The following P4HA2 variants were observed in gnomAD, a reference collection of about 807,000 sequenced individuals.
P4HA2 encodes prolyl 4-hydroxylase subunit alpha 2, also known as prolyl 4-hydroxylase subunit alpha-2.
A neutral mutation model predicts 76.9 loss-of-function variants in P4HA2; 46 were observed. That is an observed-to-expected ratio of 0.60 (90% CI 0.47 to 0.76). The LOEUF (loss-of-function observed/expected upper bound fraction) is 0.76. Ranked by LOEUF, P4HA2 falls within the 30% of genes least tolerant of loss-of-function variation. The pLI is 0.00. For synonymous variants in P4HA2, 243 were observed against 254.0 expected (o/e 0.96, Z 0.41); for missense variants, 583 against 669.4 (o/e 0.87, Z 1.42).
intron 10 of P4HA2, among the ~76,000 whole-genome samples, chr5:132,199,159 C>T (rs1751133908): frequency 6.6e-6 from 1 of 152,178 alleles, no homozygotes; most frequent in African/African-American, 2.4e-5. Flanking sequence ...TGTGGTTTCC[C>T]AAACAAAACA....
intron 14 of P4HA2, among the ~76,000 whole-genome samples, chr5:132,193,855 C>A (rs991895591): frequency 1.1e-4 from 17 of 152,248 alleles, no homozygotes; most frequent in African/African-American, 3.9e-4. Flanking sequence ...CTACTGAAGT[C>A]ACAGAGCTTT....
rs767145049 is a variant in P4HA2 at position 132,193,023 on chromosome 5, G to C, written c.1589C>G (p.Thr530Arg). The change falls in exon 15 of 15, where the codon ACA becomes AGA. Residue 530 changes from threonine to arginine, a missense_variant. Physicochemically the swap from Thr to Arg is moderately conservative, Grantham distance 71. Coordinates refer to ENST00000360568, the MANE Select transcript of P4HA2 (RefSeq NM_001017974.2). Reference sequence around the variant, plus strand: ...CAGAAAAGGATGTCAGTCAACTTCTGTTGATCCACAAGGTCTCAAGAACTC... The same window carrying C: ...CAGAAAAGGATGTCAGTCAACTTCTCTTGATCCACAAGGTCTCAAGAACTC... ...GQEFLRPCGS[T>R]EVD 1.9e-6 allele frequency: 3 copies of C among 1,609,982 alleles called. No homozygotes were observed. Among genetic ancestry groups the C allele is most frequent in the East Asian group, 4.5e-5 (2 of 44,858 alleles).
intron 1 of P4HA2, among the ~76,000 whole-genome samples, chr5:132,219,565 C>G (rs772690492): frequency 1.3e-5 from 2 of 152,178 alleles, no homozygotes. Flanking sequence ...CTCAGCCATG[C>G]AGCCTAGACT....
chr5:132,190,720 T>C lies in P4HA2; in HGVS notation c.*2290A>G, dbSNP rs970995222. Among the ~76,000 whole-genome samples, 1 of 152,004 alleles carries C rather than the reference T, an allele frequency of 6.6e-6. No homozygotes were observed. Among genetic ancestry groups the C allele is most frequent in the African/African-American group, 2.4e-5 (1 of 41,376 alleles). On this transcript the variant is annotated 3_prime_UTR_variant, in exon 15 of 15. Coordinates refer to ENST00000360568, the MANE Select transcript of P4HA2 (RefSeq NM_001017974.2). Reference sequence around the variant, plus strand: ...AATCAAAAAGAAAAAGCTTGATAGATTTGACATAAAAATTAAAAGCTCCTG... The same window carrying C: ...AATCAAAAAGAAAAAGCTTGATAGACTTGACATAAAAATTAAAAGCTCCTG...
chr5:132,208,662 T>TGCAGACAG (rs1752593890), intron 7 of P4HA2, among the ~76,000 whole-genome samples: 1 of 151,724 alleles, frequency 6.6e-6, no homozygotes, highest in Admixed American at 6.6e-5. Flanking sequence ...GTAGAAGCCA[T>TGCAGACAG]GCAGACAGGG....
chr5:132,218,861 G>A (rs187596480), intron 1 of P4HA2, among the ~76,000 whole-genome samples: 5 of 152,302 alleles, frequency 3.3e-5, no homozygotes, highest in African/African-American at 7.2e-5. Flanking sequence ...GGGAAGTCAC[G>A]TGCCCTGCGG....
At chr5:132,203,011 G>A (rs1751728015) in intron 10 of P4HA2, 1 of 152,200 alleles carries the variant, frequency 6.6e-6, no homozygotes, top group Non-Finnish European at 1.5e-5. Flanking sequence ...AACATTCCCA[G>A]GCACTGATGA....
intron 1 of P4HA2, among the ~76,000 whole-genome samples, chr5:132,219,786 G>A (rs972627806): frequency 7.2e-5 from 11 of 151,902 alleles, no homozygotes; most frequent in East Asian, 3.9e-4. Flanking sequence ...TTTTTTGCCC[G>A]CCATACTTGA....
intron 2 of P4HA2, 78 bp downstream of exon 2, chr5:132,218,467 G>T: frequency 1.0e-6 from 1 of 1,001,508 alleles, no homozygotes; most frequent in South Asian, 1.4e-5. Context: ...CACTCTAAAT[G>T]AGAACAGGCT....
In P4HA2 at chr5:132,217,494, C is replaced by G; in HGVS notation, c.180-146G>C. The G allele has an allele frequency of 8.4e-6, 6 of 718,144 alleles. No individual in the cohort carries two copies. In the South Asian group the frequency reaches 1.1e-4, roughly 13 times the overall value. The allele number at this position is 718,144 out of a possible 1,614,324, so 44.5% of individuals were successfully genotyped here. ...ATGAAAAATGAATACAGTAACTCCC[C>G]ACAGATACTTCTAGCCCCTTAATCT... On this transcript the variant is annotated intron_variant, in intron 3 of 14. Transcript: ENST00000360568.
chr5:132,206,477 C>T (rs1752230775), intron 8 of P4HA2, among the ~76,000 whole-genome samples: 1 of 152,156 alleles, frequency 6.6e-6, no homozygotes, highest in Non-Finnish European at 1.5e-5. Context: ...GAGTGTCGGG[C>T]CTCCTGGTCA....
intron 1 of P4HA2, among the ~76,000 whole-genome samples, chr5:132,218,869 C>T (rs928587095): frequency 2.9e-4 from 44 of 152,168 alleles, no homozygotes; most frequent in African/African-American, 9.2e-4. Flanking sequence ...ACGTGCCCTG[C>T]GGAGAGAGCC....
At position 132,209,770 on chromosome 5, in the gene P4HA2, CA is replaced by C. The variant is rs10656798; in HGVS notation, c.710-440del. 5.3e-3 allele frequency among the ~76,000 whole-genome samples: 502 copies of C among 95,058 alleles called. 2 individuals are homozygous for C. Among genetic ancestry groups the C allele is most frequent in the South Asian group, 0.012 (27 of 2,312 alleles). 62.4% of individuals were successfully genotyped at this position (95,058 alleles called of 152,430 possible). On this transcript the variant is annotated intron_variant, in intron 6 of 14. Coordinates refer to ENST00000360568, the MANE Select transcript of P4HA2 (RefSeq NM_001017974.2). Reference sequence around the variant, plus strand: ...AGGCTGGATGAGTGAGACTCTGTCTCAAAAAAAAAAAAAAAAAAAGGTAGAT... The same window carrying C: ...AGGCTGGATGAGTGAGACTCTGTCTCAAAAAAAAAAAAAAAAAAGGTAGAT...
intron 4 of P4HA2, among the ~76,000 whole-genome samples, chr5:132,216,149 T>G (rs1210222889): frequency 9.4e-6 from 1 of 106,824 alleles, no homozygotes; most frequent in African/African-American, 3.8e-5. Context: ...GGTGACAGAG[T>G]GAGACTCAGT....
chr5:132,196,593 G>A (rs1332939592), intron 12 of P4HA2, among the ~76,000 whole-genome samples: 1 of 152,218 alleles, frequency 6.6e-6, no homozygotes, highest in African/African-American at 2.4e-5. Context: ...GGGCATGGTG[G>A]CTCACGCCTG....
intron 10 of P4HA2, among the ~76,000 whole-genome samples, 190 bp from the exon 11 acceptor site, chr5:132,199,122 T>C (rs1357445793): frequency 6.6e-6 from 1 of 152,176 alleles, no homozygotes; most frequent in Non-Finnish European, 1.5e-5. Flanking sequence ...TCTACAGTTC[T>C]GTCCAAGAGT....
At chr5:132,204,958 G>A (rs1288852035) in intron 8 of P4HA2, among the ~76,000 whole-genome samples, 1 of 152,218 alleles carries the variant, frequency 6.6e-6, no homozygotes, top group Non-Finnish European at 1.5e-5. Context: ...CTTCAGCTGT[G>A]GACTGTCCTC....
chr5:132,207,652 G>C (rs1752374886), intron 8 of P4HA2, 56 bp downstream of exon 8: 18 of 1,491,452 alleles, frequency 1.2e-5, no homozygotes, highest in Non-Finnish European at 1.7e-5. Flanking sequence ...TGCTAGGGAT[G>C]AGAAAAAGGA....
chr5:132,201,968 C>A (rs901102304), intron 10 of P4HA2: 4 of 152,168 alleles, frequency 2.6e-5, no homozygotes. Context: ...TGAAGACTGG[C>A]TCTAACACAG....
Sources: gnomAD v4.1 joint callset for allele counts (sites outside exome capture counted in the v4.1 genomes callset) on GRCh38, gnomAD v4.1.1 for gene constraint, MANE v1.5 for transcripts, NCBI Gene and HGNC (gene_info 2026-07-23, HGNC 2026-07-21) for gene names.